Variants in MED12L observed in about 807,000 individuals in gnomAD.
The protein encoded by MED12L is mediator of RNA polymerase II transcription subunit 12-like protein.
MED12L carries 60 observed loss-of-function variants against 281.3 expected under a neutral mutation model. The observed-to-expected ratio is 0.21, with a 90% CI of 0.17 to 0.26. MED12L has a LOEUF of 0.26. Ranked by LOEUF, MED12L falls within the 10% of genes least tolerant of loss-of-function variation. MED12L has a pLI of 1.00. For missense variants in MED12L, 2,146 were observed against 2,680.9 expected, an observed-to-expected ratio of 0.80 and a Z score of 4.41; for synonymous variants, 974 against 987.2, an observed-to-expected ratio of 0.99 and a Z score of 0.25.
chr3:151,294,304 G>A (rs755414425), intron 16 of MED12L: 2 of 1,613,964 alleles, frequency 1.2e-6, no homozygotes, highest in East Asian at 4.5e-5. Context: ...ACATGAAAAA[G>A]TAAATTATTG....
At chr3:151,163,835 C>G in intron 8 of MED12L, 58 bp from the exon 9 acceptor site, 1 of 1,534,682 alleles carries the variant, frequency 6.5e-7, no homozygotes, top group Admixed American at 1.8e-5. Flanking sequence ...TACTGTTTAG[C>G]TATTGTTATG....
intron 16 of MED12L, among the ~76,000 whole-genome samples, chr3:151,240,036 AC>A (rs1468775133): frequency 2.3e-5 from 1 of 43,238 alleles, no homozygotes; most frequent in Non-Finnish European, 4.1e-5. Flanking sequence ...TCTTTCTCCC[AC>A]CTTTTTTTTT....
At chr3:151,213,527 G>A in intron 16 of MED12L, 2 of 1,614,152 alleles carry the variant, frequency 1.2e-6, no homozygotes, top group South Asian at 1.1e-5. Context: ...CAGCTGTAAT[G>A]AGCTTCGGTC....
intron 43 of MED12L, among the ~76,000 whole-genome samples, chr3:151,427,304 C>CA (rs1718983149): frequency 1.3e-5 from 2 of 152,144 alleles, no homozygotes; most frequent in African/African-American, 2.4e-5. Context: ...GATAACCTGA[C>CA]AGAGTCTTGG....
At chr3:151,137,634 A>G (rs758821519) in intron 5 of MED12L, among the ~76,000 whole-genome samples, 6 of 152,150 alleles carry the variant, frequency 3.9e-5, no homozygotes, top group Admixed American at 6.5e-5. Context: ...AGCATTTCCT[A>G]TTTAACAAGA....
At chr3:151,234,946 C>T (rs913561625) in intron 16 of MED12L, among the ~76,000 whole-genome samples, 1 of 152,206 alleles carries the variant, frequency 6.6e-6, no homozygotes, top group African/African-American at 2.4e-5. Context: ...TTCCAGCGAA[C>T]TTTCTTCTAT....
At position 151,185,253 on chromosome 3, in the gene MED12L, C is replaced by T; in HGVS notation, c.1495-77C>T. On this transcript the variant is annotated intron_variant, in intron 11 of 44. Transcript: ENST00000687756. ...AAAAAGCTTTAAAGTGTTAGATATTCCCTTGCTTGCTTCCTGCCTCTTGCT... is the reference window on the plus strand; with the variant it reads ...AAAAAGCTTTAAAGTGTTAGATATTTCCTTGCTTGCTTCCTGCCTCTTGCT... The T allele has an allele frequency of 4.2e-6, 6 of 1,443,140 alleles. No individual in the cohort carries two copies. The South Asian group carries it at 6.6e-5, about 16-fold the overall frequency. The allele number at this position is 1,443,140 out of a possible 1,614,324, so 89.4% of individuals were successfully genotyped here. A position where few individuals can be genotyped will look rare whatever the true frequency, so the allele number is the denominator to read the frequency against.
chr3:151,104,982 G>A (rs556643316), intron 2 of MED12L, among the ~76,000 whole-genome samples: 23 of 152,312 alleles, frequency 1.5e-4, no homozygotes, highest in African/African-American at 4.8e-4. Flanking sequence ...CCTATCCACA[G>A]AAACCCTATT....
At chr3:151,425,740 C>A (rs1308051458) in intron 43 of MED12L, 2 of 456,488 alleles carry the variant, frequency 4.4e-6, no homozygotes, top group South Asian at 3.1e-5. Flanking sequence ...AATCCAGAAT[C>A]CTAGAGAGAG....
At position 151,127,892 on chromosome 3, in the gene MED12L, G is replaced by A. The variant is rs759022435; in HGVS notation, c.464G>A (p.Arg155Gln). ...YLAKYSVPMV[R>Q]ATWLIKMTCA... is the part of the protein sequence containing the mutation. ...GCTAAATATTCTGTGCCAATGGTTCGAGCAACGTGGCTGATCAAGATGACT... is the reference window on the plus strand; with the variant it reads ...GCTAAATATTCTGTGCCAATGGTTCAAGCAACGTGGCTGATCAAGATGACT... Residue 155 changes from arginine (R) to glutamine (Q), a missense_variant, in exon 5 of 45, where the codon CGA becomes CAA. By Grantham distance (43) the Arg-to-Gln change is conservative. Transcript: ENST00000687756. The A allele has an allele frequency of 9.3e-6, 15 of 1,613,620 alleles. No individual in the cohort carries two copies. The highest frequency in any genetic ancestry group is 1.6e-4 in the Middle Eastern group (1 of 6,084).
intron 16 of MED12L, chr3:151,327,756 A>C (rs1459270402): frequency 2.8e-6 from 1 of 362,984 alleles, no homozygotes; most frequent in East Asian, 4.2e-5. Context: ...AAAAGAAAGA[A>C]AGAAATAATG....
At chr3:151,417,046 TA>T (rs1459765635) in intron 43 of MED12L, among the ~76,000 whole-genome samples, 2 of 152,220 alleles carry the variant, frequency 1.3e-5, no homozygotes, top group Non-Finnish European at 1.5e-5. Context: ...TTTGCTTAAA[TA>T]AATGTAGTTT....
At chr3:151,325,233 A>T (rs989065745) in intron 16 of MED12L, among the ~76,000 whole-genome samples, 9 of 152,196 alleles carry the variant, frequency 5.9e-5, no homozygotes, top group African/African-American at 1.9e-4. Context: ...TCCACTTTAC[A>T]GTTATCTTCC....
rs35536198 is a variant in MED12L, at chr3:151,432,941, CAAA to C, written c.*148_*150del. 3,762 of 464,756 alleles carry C rather than the reference CAAA, an allele frequency of 8.1e-3. 16 individuals carry two copies. Among genetic ancestry groups the C allele is most frequent in the African/African-American group, 0.022 (1,055 of 47,934 alleles). The allele number at this position is 464,756 out of a possible 1,614,324, so 28.8% of individuals were successfully genotyped here. A position where few individuals can be genotyped will look rare whatever the true frequency, so the allele number is the denominator to read the frequency against. On this transcript the variant is annotated 3_prime_UTR_variant, in exon 45 of 45. Coordinates refer to ENST00000687756, the MANE Select transcript of MED12L (RefSeq NM_001393769.1). ...TTACTATATTTTATGCTACATCTCA[CAAA>C]AAAAAAAAAAGGTGTTTAAACAAAA...
chr3:151,213,894 C>G (rs545337270), intron 16 of MED12L: 6 of 1,613,960 alleles, frequency 3.7e-6, no homozygotes, highest in Admixed American at 1.7e-5. Flanking sequence ...CTATCACTGA[C>G]AGAAGTTTGC....
At chr3:151,335,493 A>G (rs961934292) in intron 16 of MED12L, among the ~76,000 whole-genome samples, 1 of 152,234 alleles carries the variant, frequency 6.6e-6, no homozygotes, top group Non-Finnish European at 1.5e-5. Context: ...AAAAACTGTC[A>G]ATAACCAATA....
At chr3:151,181,058 T>C (rs919235418) in intron 11 of MED12L, among the ~76,000 whole-genome samples, 2 of 152,184 alleles carry the variant, frequency 1.3e-5, no homozygotes, top group African/African-American at 4.8e-5. Flanking sequence ...AAAACACTTC[T>C]GTTTTCTCGG....
rs370168950 is a variant in MED12L, at chr3:151,430,269, T to C, written c.6409-30T>C. ...GTCTGTGATTGGCACCATGGAATGA[T>C]TTCTGTCCTTTCTCCTGTCGCCATT... On this transcript the variant is annotated intron_variant, in intron 43 of 44. Coordinates refer to ENST00000687756, the MANE Select transcript of MED12L (RefSeq NM_001393769.1). The C allele has an allele frequency of 1.2e-3, 1,961 of 1,613,690 alleles. 36 individuals are homozygous for C. The South Asian group carries it at 0.02, about 16-fold the overall frequency.
chr3:151,418,218 T>A (rs1476162223), intron 43 of MED12L, among the ~76,000 whole-genome samples: 1 of 152,210 alleles, frequency 6.6e-6, no homozygotes, highest in Non-Finnish European at 1.5e-5. Flanking sequence ...TCTTTACCCT[T>A]AAGTACTTTC....
Sources: allele counts gnomAD v4.1 joint callset (sites outside exome capture counted in the v4.1 genomes callset), GRCh38; gene constraint gnomAD v4.1.1; transcripts MANE v1.5; gene names NCBI Gene and HGNC (gene_info 2026-07-23, HGNC 2026-07-21).